SPEN: variants seen among roughly 807,000 people sequenced by gnomAD.
SPEN encodes the protein msx2-interacting protein.
SPEN carries 18 observed loss-of-function variants against 269.9 expected under a neutral mutation model. The observed-to-expected ratio is 0.07, with a 90% CI of 0.05 to 0.10. The LOEUF (loss-of-function observed/expected upper bound fraction) is 0.10, where lower values mean the gene tolerates loss of function less well. SPEN is among the 10% of genes least tolerant of loss of function. The pLI, the probability that SPEN is intolerant of heterozygous loss-of-function variation, is 1.00. For synonymous variants in SPEN, 1,726 were observed against 1,765.7 expected, an observed-to-expected ratio of 0.98 and a Z score of 0.56; for missense variants, 3,822 against 4,631.2, an observed-to-expected ratio of 0.83 and a Z score of 5.07.
intron 3 of SPEN, among the ~76,000 whole-genome samples, chr1:15,908,229 G>A (rs1278486214): frequency 6.6e-6 from 1 of 151,782 alleles, no homozygotes; most frequent in Non-Finnish European, 1.5e-5. Flanking sequence ...TTATTTATTT[G>A]TTTGTTTTGT....
chr1:15,921,107 C>T (rs1453390990), intron 9 of SPEN, 124 bp downstream of exon 9: 1 of 453,874 alleles, frequency 2.2e-6, no homozygotes, highest in East Asian at 3.8e-5. Context: ...AGGTGGATCA[C>T]CTGAGGTCAG....
At chr1:15,919,308 T>C in intron 7 of SPEN, 96 bp from the exon 8 acceptor site, 1 of 821,148 alleles carries the variant, frequency 1.2e-6, no homozygotes, top group Non-Finnish European at 1.9e-6. Context: ...GTTGATTTGA[T>C]AAGATTACTA....
At chr1:15,885,052 A>G (rs2070724281) in intron 3 of SPEN, among the ~76,000 whole-genome samples, 2 of 152,148 alleles carry the variant, frequency 1.3e-5, no homozygotes, top group South Asian at 4.1e-4. Context: ...GTTTTAAAGT[A>G]TTAAACAAAT....
chr1:15,890,569 T>G (rs1048021383), intron 3 of SPEN, among the ~76,000 whole-genome samples: 50 of 151,410 alleles, frequency 3.3e-4, no homozygotes, highest in African/African-American at 8.2e-4. Context: ...TTTTTTTTTT[T>G]TTTTTTTTTT....
At position 15,904,479 on chromosome 1, in the gene SPEN, T is replaced by TAAAAAAAAAAAA. The variant is rs1557750239; in HGVS notation, c.882-4842_882-4841insAAAAAAAAAAAA. ...AAAAAAAAAAAAAAAAAAAAAAAAG[T>TAAAAAAAAAAAA]GAACTAAAAACTTGTACCATTTTTA... On this transcript the variant is annotated intron_variant, in intron 3 of 14. Transcript: ENST00000375759. Among the ~76,000 whole-genome samples, 30 of 81,112 alleles carry TAAAAAAAAAAAA rather than the reference T, an allele frequency of 3.7e-4. 2 individuals are homozygous for TAAAAAAAAAAAA. The highest frequency in any genetic ancestry group is 1.2e-3 in the East Asian group (4 of 3,318). The allele number at this position is 81,112 out of a possible 152,430, so 53.2% of individuals were successfully genotyped here.
rs540718129 is a variant in SPEN at position 15,886,339 on chromosome 1, A to G, written c.881+9661A>G. Among the ~76,000 whole-genome samples, 9 of 152,270 alleles carry G rather than the reference A, an allele frequency of 5.9e-5. No individual in the cohort carries two copies. In the South Asian group the frequency reaches 1.9e-3, roughly 32 times the overall value. On this transcript the variant is annotated intron_variant, in intron 3 of 14. Transcript: ENST00000375759. ...ATCTGGGCAGCCCCTGCGTCTGAAT[A>G]TTGTGGGGGAAAATAGGAACTGTTG... is the stretch of plus-strand genomic sequence containing the variant.
intron 1 of SPEN, among the ~76,000 whole-genome samples, chr1:15,862,343 A>G (rs1316486604): frequency 6.6e-6 from 1 of 152,216 alleles, no homozygotes; most frequent in African/African-American, 2.4e-5. Flanking sequence ...AGATACATTT[A>G]TGAAAGCTAC....
chr1:15,937,749 T>C lies in SPEN; in HGVS notation c.10510-63T>C. ...AGACCCACAAGCTACAGCCTCTGGC[T>C]GTGTCCAGCATGGCTCAGCGAGGGG... On this transcript the variant is annotated intron_variant, in intron 12 of 14. Transcript: ENST00000375759. The surrounding 1 kb of genome is among the most constrained non-coding windows in gnomAD (Gnocchi z 5.7). 6.2e-7 allele frequency: 1 copy of C among 1,609,874 alleles called. No homozygotes were observed. The highest frequency in any genetic ancestry group is 8.5e-7 in the Non-Finnish European group (1 of 1,178,194).
At chr1:15,919,147 A>T (rs2071092761) in intron 7 of SPEN, 96 bp downstream of exon 7, 1 of 1,073,816 alleles carries the variant, frequency 9.3e-7, no homozygotes, top group South Asian at 1.5e-5. Flanking sequence ...ATTATTTAAG[A>T]TCCTACTAAG....
At chr1:15,895,722 C>T (rs2148721175) in intron 3 of SPEN, among the ~76,000 whole-genome samples, 1 of 149,434 alleles carries the variant, frequency 6.7e-6, no homozygotes, top group East Asian at 1.9e-4. Context: ...ACTCTGTTGC[C>T]CAGGGTGGAG....
At chr1:15,869,465 C>G (rs922951279) in intron 1 of SPEN, among the ~76,000 whole-genome samples, 2 of 152,012 alleles carry the variant, frequency 1.3e-5, no homozygotes, top group Admixed American at 1.3e-4. Context: ...TACATTAGTG[C>G]CCATAATTTG....
rs761323103 is a variant in SPEN, at chr1:15,937,511, G to A, written c.10375G>A (p.Val3459Ile). The A allele has an allele frequency of 4.4e-5, 71 of 1,613,876 alleles. No individual in the cohort carries two copies. In the South Asian group the frequency reaches 7.6e-4, roughly 17 times the overall value. The change falls in exon 12 of 15, where the codon GTC becomes ATC. Residue 3459 changes from valine (V) to isoleucine (I), a missense_variant. By Grantham distance (29) the Val-to-Ile change is conservative. Coordinates refer to ENST00000375759, the MANE Select transcript of SPEN (RefSeq NM_015001.3). The surrounding 1 kb of genome is among the most constrained non-coding windows in gnomAD (Gnocchi z 5.7). Reference sequence around the variant, plus strand: ...GACTGCCCCAAAACAGCCGTTGTTTGTCCCAACAACCTCTGGCCCCAGCAC... The same window carrying A: ...GACTGCCCCAAAACAGCCGTTGTTTATCCCAACAACCTCTGGCCCCAGCAC... The part of the protein sequence containing the change: ...TQTAPKQPLF[V>I]PTTSGPSTPP...
intron 1 of SPEN, among the ~76,000 whole-genome samples, chr1:15,857,210 G>T: frequency 6.6e-6 from 1 of 151,970 alleles, no homozygotes; most frequent in Non-Finnish European, 1.5e-5. Context: ...GACTACAGGC[G>T]CACACCACCA....
At position 15,920,966 on chromosome 1, in the gene SPEN, G is replaced by T. The variant is rs763959899; in HGVS notation, c.1732G>T (p.Gly578Cys). Reference sequence around the variant, plus strand: ...AAAAGAGACCAAAGGGAGGAAAATCGGTGGGAATAAAATTAAGGTGTGCAG... The same window carrying T: ...AAAAGAGACCAAAGGGAGGAAAATCTGTGGGAATAAAATTAAGGTGTGCAG... ...AVKETKGRKIGGNKIKVDFAN... is the reference protein window; with the variant it reads ...AVKETKGRKICGNKIKVDFAN... Residue 578 changes from glycine to cysteine, a missense_variant, in exon 9 of 15, where the codon GGT becomes TGT. Coordinates refer to ENST00000375759, the MANE Select transcript of SPEN (RefSeq NM_015001.3). 6.2e-7 allele frequency: 1 copy of T among 1,606,104 alleles called. No individual in the cohort carries two copies. Among genetic ancestry groups the T allele is most frequent in the Non-Finnish European group, 8.5e-7 (1 of 1,174,128 alleles).
intron 1 of SPEN, among the ~76,000 whole-genome samples, chr1:15,850,225 G>GC (rs2070321336): frequency 6.6e-6 from 1 of 152,154 alleles, no homozygotes; most frequent in African/African-American, 2.4e-5. Context: ...GCCTTGGAAA[G>GC]CGGCAGTCTG....
At chr1:15,891,978 A>G (rs1240139468) in intron 3 of SPEN, among the ~76,000 whole-genome samples, 1 of 147,580 alleles carries the variant, frequency 6.8e-6, no homozygotes, top group Non-Finnish European at 1.5e-5. Context: ...TAAATAAAGC[A>G]TATTACTACA....
intron 11 of SPEN, among the ~76,000 whole-genome samples, chr1:15,936,871 A>G (rs2071280352): frequency 6.6e-6 from 1 of 152,182 alleles, no homozygotes; most frequent in South Asian, 2.1e-4. Context: ...TCATGAGTTT[A>G]AAGAGCTTTC....
At chr1:15,894,333 A>G (rs541967877) in intron 3 of SPEN, among the ~76,000 whole-genome samples, 5 of 152,268 alleles carry the variant, frequency 3.3e-5, no homozygotes, top group African/African-American at 1.2e-4. Flanking sequence ...ACATCTGCTT[A>G]CTGCTTTCAG....
At chr1:15,866,263 G>C (rs751935997) in intron 1 of SPEN, among the ~76,000 whole-genome samples, 1 of 152,022 alleles carries the variant, frequency 6.6e-6, no homozygotes, top group African/African-American at 2.4e-5. Context: ...GGGATTCTCC[G>C]TATCTTTTGC....
Sources: allele counts gnomAD v4.1 joint callset (sites outside exome capture counted in the v4.1 genomes callset), GRCh38; gene constraint gnomAD v4.1.1; non-coding constraint Gnocchi (gnomAD v3.1); transcripts MANE v1.5; gene names NCBI Gene and HGNC (gene_info 2026-07-23, HGNC 2026-07-21).